PDE4D: variants seen among roughly 807,000 people sequenced by gnomAD.
PDE4D encodes the protein 3',5'-cyclic-AMP phosphodiesterase 4D.
PDE4D carries 24 observed loss-of-function variants against 87.4 expected under a neutral mutation model. The observed-to-expected ratio is 0.27, with a 90% CI of 0.20 to 0.39. The LOEUF (loss-of-function observed/expected upper bound fraction) is 0.39, where lower values mean the gene tolerates loss of function less well. PDE4D is among the 10% of genes least tolerant of loss of function. PDE4D has a pLI of 1.00. For synonymous variants in PDE4D, 384 were observed against 383.2 expected (o/e 1.00, Z -0.02); for missense variants, 714 against 1,041.0 (o/e 0.69, Z 4.32).
At chr5:59,860,380 G>A (rs1746077048) in intron 1 of PDE4D, among the ~76,000 whole-genome samples, 1 of 152,182 alleles carries the variant, frequency 6.6e-6, no homozygotes, top group South Asian at 2.1e-4. Flanking sequence ...ATTCTGTGAT[G>A]AGATAGGTAG....
intron 1 of PDE4D, among the ~76,000 whole-genome samples, chr5:59,655,940 G>A (rs1212867927): frequency 1.3e-5 from 2 of 152,184 alleles, no homozygotes; most frequent in Admixed American, 6.5e-5. Context: ...AGGAGTTAAA[G>A]GAATAGTGCC....
In PDE4D at chr5:59,568,007, C is replaced by T. The variant is rs565390664; in HGVS notation, c.455+325161G>A. ...TGACAACCCAAAAACAATGAACACA[C>T]CTATTGCTCAAATCTTGGTTTTTAA... On this transcript the variant is annotated intron_variant, in intron 1 of 14. Coordinates refer to ENST00000340635, the MANE Select transcript of PDE4D (RefSeq NM_001104631.2). 2.0e-5 allele frequency among the ~76,000 whole-genome samples: 3 copies of T among 152,236 alleles called. No homozygotes were observed. In the South Asian group the frequency reaches 6.2e-4, roughly 32 times the overall value.
chr5:60,469,287 C>A (rs1747636942), intron 1 of PDE4D, among the ~76,000 whole-genome samples: 1 of 152,090 alleles, frequency 6.6e-6, no homozygotes. Flanking sequence ...CTTCACTCCA[C>A]CCCCTCCTGT....
chr5:59,313,982 A>G lies in PDE4D; in HGVS notation c.456-98014T>C, dbSNP rs1370920377. 2.0e-5 allele frequency: 3 copies of G among 152,200 alleles called. No individual in the cohort carries two copies. In the East Asian group the frequency reaches 5.8e-4, roughly 29 times the overall value. The allele number at this position is 152,200 out of a possible 1,614,324, so 9.4% of individuals were successfully genotyped here. On this transcript the variant is annotated intron_variant, in intron 1 of 14. Transcript: ENST00000340635. Reference sequence around the variant, plus strand: ...CCTGAGTATTCCTGTGAGTCATTGGAAGATCTATAATATCTCTTTCAATGA... The same window carrying G: ...CCTGAGTATTCCTGTGAGTCATTGGGAGATCTATAATATCTCTTTCAATGA...
intron 1 of PDE4D, among the ~76,000 whole-genome samples, chr5:59,608,609 T>C (rs887869191): frequency 6.6e-6 from 1 of 152,150 alleles, no homozygotes; most frequent in African/African-American, 2.4e-5. Flanking sequence ...TACCCTGTCC[T>C]GGGTATGCTA....
At chr5:59,446,285 G>A (rs1798333122) in intron 1 of PDE4D, among the ~76,000 whole-genome samples, 1 of 151,932 alleles carries the variant, frequency 6.6e-6, no homozygotes, top group Non-Finnish European at 1.5e-5. Flanking sequence ...ATAGTAACAA[G>A]AGTGATTCTT....
At chr5:59,822,395 T>C (rs1769801457) in intron 1 of PDE4D, among the ~76,000 whole-genome samples, 1 of 152,172 alleles carries the variant, frequency 6.6e-6, no homozygotes, top group Admixed American at 6.5e-5. Flanking sequence ...AATCTCACTT[T>C]GTATTGGAGG....
intron 1 of PDE4D, among the ~76,000 whole-genome samples, chr5:59,604,965 C>A (rs1041526801): frequency 6.6e-6 from 1 of 152,014 alleles, no homozygotes; most frequent in Non-Finnish European, 1.5e-5. Context: ...CACATACACA[C>A]ATTCATTTTG....
At chr5:60,382,515 T>A (rs929002140) in intron 1 of PDE4D, among the ~76,000 whole-genome samples, 10 of 152,310 alleles carry the variant, frequency 6.6e-5, no homozygotes, top group Non-Finnish European at 8.8e-5. Flanking sequence ...GGTGATTTTT[T>A]AAAAATATTC....
In PDE4D at chr5:59,619,872, T is replaced by C. The variant is rs569277859; in HGVS notation, c.455+273296A>G. On this transcript the variant is annotated intron_variant, in intron 1 of 14. Coordinates refer to ENST00000340635, the MANE Select transcript of PDE4D (RefSeq NM_001104631.2). The stretch of plus-strand genomic sequence containing the variant: ...AGTAGATGCAAAATTATTTGGCTGT[T>C]AGAGGGAGGAAGGCAGTAGGCAGAG... 2.6e-5 allele frequency among the ~76,000 whole-genome samples: 4 copies of C among 152,250 alleles called. No individual in the cohort carries two copies. In the South Asian group the frequency reaches 8.3e-4, roughly 32 times the overall value.
chr5:60,485,307 G>C (rs74630886), intron 1 of PDE4D, among the ~76,000 whole-genome samples: 13 of 151,678 alleles, frequency 8.6e-5, no homozygotes, highest in African/African-American at 3.1e-4. Flanking sequence ...TAAATTCTTG[G>C]GCAAGCTGAA....
chr5:59,586,520 A>AT, intron 1 of PDE4D: 4 of 1,440,684 alleles, frequency 2.8e-6, no homozygotes, highest in South Asian at 1.6e-5. Flanking sequence ...AAAAAAAAAA[A>AT]ATCTCCCCCC....
chr5:60,154,085 T>C (rs888514224), intron 2 of PDE4D, among the ~76,000 whole-genome samples: 2 of 152,156 alleles, frequency 1.3e-5, no homozygotes, highest in African/African-American at 4.8e-5. Context: ...TTTGTTTCAA[T>C]AATAAATTCT....
chr5:60,457,985 C>T (rs974754187), intron 1 of PDE4D, among the ~76,000 whole-genome samples: 7 of 152,160 alleles, frequency 4.6e-5, no homozygotes, highest in African/African-American at 7.2e-5. Flanking sequence ...CTCCACTGAG[C>T]GCTTATTAGA....
intron 5 of PDE4D, among the ~76,000 whole-genome samples, chr5:59,078,968 T>G (rs1766192696): frequency 6.6e-6 from 1 of 152,172 alleles, no homozygotes; most frequent in Non-Finnish European, 1.5e-5. Context: ...CTCTCCCTTT[T>G]GCTTTCTGCC....
chr5:59,048,600 G>T (rs13360195), intron 5 of PDE4D, among the ~76,000 whole-genome samples: 2,354 of 152,238 alleles, frequency 0.015, 70 homozygotes, highest in African/African-American at 0.054. Context: ...TACTTGTCAA[G>T]GATCCCATCC....
chr5:60,293,149 T>C (rs75083225), intron 1 of PDE4D, among the ~76,000 whole-genome samples: 10,650 of 151,512 alleles, frequency 0.07, 416 homozygotes, highest in Non-Finnish European at 0.083. Flanking sequence ...GAAAAAAAAA[T>C]TGATGAACTA....
chr5:59,225,559 T>C (rs1038507579), intron 1 of PDE4D, among the ~76,000 whole-genome samples: 4 of 152,220 alleles, frequency 2.6e-5, no homozygotes, highest in African/African-American at 9.6e-5. Context: ...GGAGATTACA[T>C]TGGACATTGT....
chr5:59,692,001 G>A (rs1240178116), intron 1 of PDE4D, among the ~76,000 whole-genome samples: 2 of 152,014 alleles, frequency 1.3e-5, no homozygotes, highest in Non-Finnish European at 2.9e-5. Flanking sequence ...GCTATAAGTA[G>A]GTCATAGATA....
Sources: allele counts gnomAD v4.1 joint callset (sites outside exome capture counted in the v4.1 genomes callset), GRCh38; gene constraint gnomAD v4.1.1; transcripts MANE v1.5; gene names NCBI Gene and HGNC (gene_info 2026-07-23, HGNC 2026-07-21).